Variants in ZNF827 observed in about 807,000 individuals in gnomAD.
ZNF827 encodes zinc finger protein 827.
In ZNF827, 13 loss-of-function variants were observed where a neutral mutation model predicts 102.4. That is an observed-to-expected ratio of 0.13 (90% CI 0.08 to 0.20). ZNF827 has a LOEUF of 0.20. Among genes scored for constraint, ZNF827 ranks in the 10% least tolerant of loss-of-function variants. The probability of loss-of-function intolerance (pLI) is 1.00; values close to 1 mark genes in which losing one functional copy is unlikely to be tolerated. For synonymous variants in ZNF827, 523 were observed against 536.2 expected (o/e 0.98, Z 0.34); for missense variants, 1,103 against 1,344.4 (o/e 0.82, Z 2.81).
intron 2 of ZNF827, among the ~76,000 whole-genome samples, chr4:145,896,244 A>G (rs1209345760): frequency 2.0e-5 from 3 of 152,244 alleles, no homozygotes; most frequent in African/African-American, 7.2e-5. Context: ...AATCTAAACA[A>G]CTAACATCAC....
intron 8 of ZNF827, among the ~76,000 whole-genome samples, chr4:145,814,780 A>C (rs1186198173): frequency 6.6e-6 from 1 of 151,576 alleles, no homozygotes; most frequent in Non-Finnish European, 1.5e-5. Flanking sequence ...AAAAAAAAAA[A>C]AAAAAAAAAA....
chr4:145,901,201 C>T (rs1751380714), intron 2 of ZNF827, among the ~76,000 whole-genome samples: 2 of 152,214 alleles, frequency 1.3e-5, no homozygotes, highest in African/African-American at 2.4e-5. Flanking sequence ...TAGACACACA[C>T]GATGGCAATG....
chr4:145,937,421 G>A (rs1261706363), intron 1 of ZNF827, among the ~76,000 whole-genome samples: 1 of 151,700 alleles, frequency 6.6e-6, no homozygotes. Context: ...TTTTATTGCG[G>A]CCAGGAGCCC....
At chr4:145,815,919 T>C (rs555998674) in intron 8 of ZNF827, among the ~76,000 whole-genome samples, 1 of 152,364 alleles carries the variant, frequency 6.6e-6, no homozygotes, top group South Asian at 2.1e-4. Context: ...GTTTGGAATA[T>C]TATGTGAGCA....
intron 1 of ZNF827, among the ~76,000 whole-genome samples, chr4:145,933,444 C>T (rs888156238): frequency 1.3e-5 from 2 of 152,192 alleles, no homozygotes; most frequent in East Asian, 3.8e-4. Flanking sequence ...TTCAATCTTT[C>T]TTTCTCTTTC....
intron 2 of ZNF827, among the ~76,000 whole-genome samples, chr4:145,898,016 G>T (rs1467588543): frequency 6.6e-6 from 1 of 152,086 alleles, no homozygotes; most frequent in East Asian, 1.9e-4. Flanking sequence ...TTAGTCGGGT[G>T]TGGTGGTGCA....
At chr4:145,825,356 G>A (rs982311245) in intron 7 of ZNF827, among the ~76,000 whole-genome samples, 2 of 152,338 alleles carry the variant, frequency 1.3e-5, no homozygotes, top group East Asian at 3.9e-4. Context: ...CAACAGTAGT[G>A]AGGGCACTGC....
chr4:145,933,391 C>CCAG (rs1346158085), intron 1 of ZNF827, among the ~76,000 whole-genome samples: 1 of 151,968 alleles, frequency 6.6e-6, no homozygotes, highest in African/African-American at 2.4e-5. Context: ...GAGGTACTGC[C>CCAG]CAGTCACTGC....
At chr4:145,798,616 G>A (rs1036242237) in intron 8 of ZNF827, among the ~76,000 whole-genome samples, 7 of 152,176 alleles carry the variant, frequency 4.6e-5, no homozygotes, top group African/African-American at 1.2e-4. Context: ...GCAGTGAGCC[G>A]AGATCATGCC....
chr4:145,888,088 C>A (rs1750274593), intron 3 of ZNF827, among the ~76,000 whole-genome samples: 1 of 152,176 alleles, frequency 6.6e-6, no homozygotes, highest in African/African-American at 2.4e-5. Flanking sequence ...TATGTGACTT[C>A]TTTTTCACCA....
rs573454759 is a variant in ZNF827, at chr4:145,937,057, G to A, written c.43+1308C>T. ...TGCATTCAAGGAGCCGGGCGGCCCC[G>A]GGGGATATTTTTAGTTGCTTCTTTC... On this transcript the variant is annotated intron_variant, in intron 1 of 14. Coordinates refer to ENST00000508784, the MANE Select transcript of ZNF827 (RefSeq NM_001306215.2). Among the ~76,000 whole-genome samples, 230 of 151,812 alleles carry A rather than the reference G, an allele frequency of 1.5e-3. 1 individual carries two copies. The highest frequency in any genetic ancestry group is 5.2e-3 in the African/African-American group (214 of 41,480).
rs575118176 is a variant in ZNF827, at chr4:145,823,955, C to CT, written c.2280-431dup. 1.8e-3 allele frequency among the ~76,000 whole-genome samples: 278 copies of CT among 152,312 alleles called. 1 individual carries two copies. Among genetic ancestry groups the CT allele is most frequent in the African/African-American group, 6.5e-3 (270 of 41,568 alleles). On this transcript the variant is annotated intron_variant, in intron 7 of 14. Transcript: ENST00000508784. ...TGTCACCTGATCCCTCAGGGACCCA[C>CT]TACACACATCAAGACAGATGGCTGG...
chr4:145,884,822 T>A (rs553785020), intron 4 of ZNF827, among the ~76,000 whole-genome samples: 160 of 152,324 alleles, frequency 1.1e-3, no homozygotes, highest in Non-Finnish European at 2.0e-3. Flanking sequence ...CATCTTTTTT[T>A]CCCAAATGGA....
Position 145,870,197 on chromosome 4 carries a change from T to G in ZNF827, c.1981+48A>C, listed in dbSNP as rs749952778. 6.9e-6 allele frequency: 11 copies of G among 1,586,588 alleles called. No individual in the cohort carries two copies. In the Admixed American group the frequency reaches 1.9e-4, roughly 27 times the overall value. The stretch of plus-strand genomic sequence containing the variant: ...CATGCAGGAAGCAGTCCAGTTGGCC[T>G]GCAAGTGAAACTATCAGAATGTGAA... On this transcript the variant is annotated intron_variant, in intron 5 of 14. Transcript: ENST00000508784.
intron 1 of ZNF827, among the ~76,000 whole-genome samples, chr4:145,924,284 A>C (rs570314021): frequency 1.1e-4 from 17 of 152,384 alleles, no homozygotes; most frequent in Non-Finnish European, 1.0e-4. Context: ...GGAGCAGGAG[A>C]AGAATACACA....
At chr4:145,842,260 C>T (rs1039214219) in intron 7 of ZNF827, among the ~76,000 whole-genome samples, 3 of 152,154 alleles carry the variant, frequency 2.0e-5, no homozygotes, top group Non-Finnish European at 2.9e-5. Context: ...ATCTACCTTT[C>T]GTATAACAGA....
intron 8 of ZNF827, among the ~76,000 whole-genome samples, chr4:145,818,870 G>A (rs1379256676): frequency 6.6e-6 from 1 of 152,182 alleles, no homozygotes; most frequent in Non-Finnish European, 1.5e-5. Context: ...ATATGACACA[G>A]TATATTAGAT....
chr4:145,931,397 A>G (rs1225491121), intron 1 of ZNF827, among the ~76,000 whole-genome samples: 1 of 152,252 alleles, frequency 6.6e-6, no homozygotes, highest in East Asian at 1.9e-4. Context: ...TACATTAACT[A>G]AGCCAATATA....
At chr4:145,815,394 GA>G in intron 8 of ZNF827, among the ~76,000 whole-genome samples, 1 of 152,250 alleles carries the variant, frequency 6.6e-6, no homozygotes, top group East Asian at 1.9e-4. Flanking sequence ...GAGAATAGCA[GA>G]AAATGAAAAA....
Sources: gnomAD v4.1 joint callset for allele counts (sites outside exome capture counted in the v4.1 genomes callset) on GRCh38, gnomAD v4.1.1 for gene constraint, MANE v1.5 for transcripts, NCBI Gene and HGNC (gene_info 2026-07-23, HGNC 2026-07-21) for gene names.